The following MARCHF10 variants were observed in gnomAD, a reference collection of about 807,000 sequenced individuals.
MARCHF10 encodes membrane associated ring-CH-type finger 10.
In MARCHF10, 64 loss-of-function variants were observed where a neutral mutation model predicts 76.2. The observed-to-expected ratio is 0.84, with a 90% CI of 0.69 to 1.03. MARCHF10 has a LOEUF of 1.03. Ranked by LOEUF, MARCHF10 falls within the 50% of genes least tolerant of loss-of-function variation. MARCHF10 has a pLI of 0.00. For synonymous variants in MARCHF10, 340 were observed against 357.5 expected (o/e 0.95, Z 0.55); for missense variants, 875 against 958.0 (o/e 0.91, Z 1.14).
chr17:62,775,132 CT>C (rs35354893), intron 3 of MARCHF10, among the ~76,000 whole-genome samples: 5 of 142,548 alleles, frequency 3.5e-5, no homozygotes, highest in Non-Finnish European at 4.6e-5. Flanking sequence ...CCTGGCCTTC[CT>C]TTTTTTTTTT....
At chr17:62,719,802 A>G (rs1400529336) in intron 8 of MARCHF10, among the ~76,000 whole-genome samples, 1 of 151,836 alleles carries the variant, frequency 6.6e-6, no homozygotes, top group Non-Finnish European at 1.5e-5. Context: ...TGATGTGTCT[A>G]TTACACCTTT....
intron 3 of MARCHF10, among the ~76,000 whole-genome samples, chr17:62,781,393 A>G (rs2092656140): frequency 1.3e-5 from 2 of 152,212 alleles, no homozygotes; most frequent in South Asian, 2.1e-4. Flanking sequence ...CATAATAAGT[A>G]TCTCCTTGAT....
intron 4 of MARCHF10, among the ~76,000 whole-genome samples, chr17:62,759,502 G>A (rs764595697): frequency 2.6e-5 from 4 of 152,100 alleles, no homozygotes; most frequent in African/African-American, 4.8e-5. Context: ...TTTTTGAGGC[G>A]GGGTCTTGCT....
In MARCHF10 at chr17:62,752,972, T is replaced by C. The variant is rs555778705; in HGVS notation, c.382+6863A>G. ...TTCCTATGCAGAGCCCTTCCAGGAC[T>C]GATGCCCCGTCGCCTCCAGCATGAC... On this transcript the variant is annotated intron_variant, in intron 4 of 10. Coordinates refer to ENST00000311269, the MANE Select transcript of MARCHF10 (RefSeq NM_152598.4). Among the ~76,000 whole-genome samples, 8 of 152,304 alleles carry C rather than the reference T, an allele frequency of 5.3e-5. No individual in the cohort carries two copies. The East Asian group carries it at 1.5e-3, about 29-fold the overall frequency.
intron 5 of MARCHF10, among the ~76,000 whole-genome samples, chr17:62,743,678 T>C (rs955668452): frequency 1.3e-5 from 2 of 152,086 alleles, no homozygotes; most frequent in Non-Finnish European, 2.9e-5. Flanking sequence ...TAAAGGCAAC[T>C]GTGTTCATTG....
Position 62,738,008 on chromosome 17 carries a change from A to C in MARCHF10, c.536-676T>G, listed in dbSNP as rs982698257. ...ATCCCTACTATGAATTCCTACACAG[A>C]ATCACTGAACTGGCCAGAAGCATGC... On this transcript the variant is annotated intron_variant, in intron 5 of 10. Coordinates refer to ENST00000311269, the MANE Select transcript of MARCHF10 (RefSeq NM_152598.4). This position sits in a 1 kb window ranked among gnomAD's most constrained non-coding sequence, Gnocchi z 4.0. The C allele has an allele frequency of 4.6e-5, 7 of 152,276 alleles. No homozygotes were observed. Among genetic ancestry groups the C allele is most frequent in the Non-Finnish European group, 8.8e-5 (6 of 68,504 alleles). 9.4% of individuals were successfully genotyped at this position (152,276 alleles called of 1,614,324 possible).
At chr17:62,778,027 A>C (rs2092585579) in intron 3 of MARCHF10, among the ~76,000 whole-genome samples, 1 of 152,212 alleles carries the variant, frequency 6.6e-6, no homozygotes. Context: ...AGGCATTGGA[A>C]ATATAACCAC....
intron 10 of MARCHF10, among the ~76,000 whole-genome samples, chr17:62,704,196 G>A (rs893843211): frequency 6.6e-6 from 1 of 151,546 alleles, no homozygotes; most frequent in Admixed American, 6.6e-5. Flanking sequence ...TGGGACGCGC[G>A]GGGCGGGCGG....
intron 7 of MARCHF10, among the ~76,000 whole-genome samples, chr17:62,724,186 A>ATTTT (rs11462196): frequency 7.2e-6 from 1 of 138,294 alleles, no homozygotes; most frequent in African/African-American, 2.7e-5. Flanking sequence ...TGTTCCATGC[A>ATTTT]TTTTTTTTTT....
chr17:62,716,541 C>G (rs1433081496), intron 8 of MARCHF10, among the ~76,000 whole-genome samples: 1 of 151,966 alleles, frequency 6.6e-6, no homozygotes. Flanking sequence ...GGACCCTGGC[C>G]CCATCCCAGA....
intron 9 of MARCHF10, among the ~76,000 whole-genome samples, chr17:62,706,935 G>A (rs2147557245): frequency 6.6e-6 from 1 of 152,336 alleles, no homozygotes; most frequent in East Asian, 1.9e-4. Flanking sequence ...GTGGGGTAAA[G>A]TGAGGCTGGT....
intron 3 of MARCHF10, among the ~76,000 whole-genome samples, chr17:62,775,180 C>T (rs537168862): frequency 2.7e-5 from 4 of 147,490 alleles, no homozygotes; most frequent in African/African-American, 5.0e-5. Flanking sequence ...GGCTGGAGTG[C>T]AGTGGTGTGA....
intron 4 of MARCHF10, among the ~76,000 whole-genome samples, chr17:62,750,750 C>G (rs4968740): frequency 0.52 from 78,627 of 152,138 alleles, 21,401 homozygotes; most frequent in East Asian, 0.7. Flanking sequence ...CTGTTCCAGC[C>G]AACAGTCTCC....
At chr17:62,778,682 CAAAAA>C (rs71357038) in intron 3 of MARCHF10, among the ~76,000 whole-genome samples, 3 of 100,824 alleles carry the variant, frequency 3.0e-5, no homozygotes, top group Non-Finnish European at 4.1e-5. Flanking sequence ...GACTCTGTCT[CAAAAA>C]AAAAAAAAAA....
Position 62,736,961 on chromosome 17 carries a change from C to A in MARCHF10, c.907G>T (p.Val303Phe). ...EETQSEECLWVGVRSPCSPSH... is the reference protein window; with the variant it reads ...EETQSEECLWFGVRSPCSPSH... ...GGAGAACAGGGTGAGCGCACACCAA[C>A]CCACAGACATTCTTCAGACTGGGTT... The change falls in exon 6 of 11, where the codon GTT becomes TTT. Residue 303 changes from valine (V) to phenylalanine (F), a missense_variant. Val to Phe is a conservative substitution (Grantham distance 50, BLOSUM62 -1). Transcript: ENST00000311269. 1 of 1,614,156 alleles carries A rather than the reference C, an allele frequency of 6.2e-7. No individual in the cohort carries two copies. The highest frequency in any genetic ancestry group is 1.3e-5 in the African/African-American group (1 of 75,030).
Position 62,724,978 on chromosome 17 carries a change from T to G in MARCHF10, c.2064A>C (p.Gln688His). ...GCVGSLQFVH[Q>H]ECLKKWLKVK... The stretch of plus-strand genomic sequence containing the variant: ...CTTTCAGCCACTTTTTCAGGCACTC[T>G]TGATGAACAAACTGCAGGCTTCCCA... The change falls in exon 7 of 11, where the codon CAA becomes CAC. Residue 688 changes from glutamine to histidine, a missense_variant. Transcript: ENST00000311269. 1 of 1,612,300 alleles carries G rather than the reference T, an allele frequency of 6.2e-7. No homozygotes were observed. Among genetic ancestry groups the G allele is most frequent in the Non-Finnish European group, 8.5e-7 (1 of 1,179,390 alleles).
At chr17:62,741,966 G>A (rs557392719) in intron 5 of MARCHF10, among the ~76,000 whole-genome samples, 1 of 151,978 alleles carries the variant, frequency 6.6e-6, no homozygotes, top group Admixed American at 6.5e-5. Context: ...CCAGAGTGCT[G>A]GGATTACAGG....
At chr17:62,778,542 C>G (rs2092595677) in intron 3 of MARCHF10, among the ~76,000 whole-genome samples, 1 of 151,924 alleles carries the variant, frequency 6.6e-6, no homozygotes, top group African/African-American at 2.4e-5. Flanking sequence ...ACCAGCCTGG[C>G]TAATATGGTG....
Position 62,721,364 on chromosome 17 carries a change from C to CT in MARCHF10, c.2214+1123dup, listed in dbSNP as rs146401118. ...TAAAATTAGGTGATATATTACCCCC[C>CT]TTTTTTTTTTTGGTACTGTGTCTTT... On this transcript the variant is annotated intron_variant, in intron 8 of 10. Coordinates refer to ENST00000311269, the MANE Select transcript of MARCHF10 (RefSeq NM_152598.4). Among the ~76,000 whole-genome samples the CT allele has an allele frequency of 3.2e-3, 470 of 147,986 alleles. 1 individual carries two copies. Among genetic ancestry groups the CT allele is most frequent in the African/African-American group, 0.01 (409 of 40,430 alleles).
Sources: gnomAD v4.1 joint callset for allele counts (sites outside exome capture counted in the v4.1 genomes callset) on GRCh38, gnomAD v4.1.1 for gene constraint, Gnocchi (gnomAD v3.1) non-coding constraint, MANE v1.5 for transcripts, NCBI Gene and HGNC (gene_info 2026-07-23, HGNC 2026-07-21) for gene names.